The following LPL variants were observed in gnomAD, a reference collection of about 807,000 sequenced individuals.
LPL encodes the protein lipoprotein lipase.
LPL carries 43 observed loss-of-function variants against 52.2 expected under a neutral mutation model. The ratio of observed to expected loss-of-function variants is 0.82; its 90% confidence interval spans 0.64 to 1.06. The LOEUF (loss-of-function observed/expected upper bound fraction) is 1.06. LPL is among the 50% of genes least tolerant of loss of function. The pLI is 0.00. For missense variants in LPL, 639 were observed against 585.3 expected, an observed-to-expected ratio of 1.09 and a Z score of -0.95; for synonymous variants, 244 against 215.6, an observed-to-expected ratio of 1.13 and a Z score of -1.15.
In LPL at chr8:19,939,585, A is replaced by T; in HGVS notation, c.88+57A>T. 1.3e-6 allele frequency: 2 copies of T among 1,514,526 alleles called. No homozygotes were observed. The highest frequency in any genetic ancestry group is 1.8e-6 in the Non-Finnish European group (2 of 1,114,416). 93.8% of individuals were successfully genotyped at this position (1,514,526 alleles called of 1,614,324 possible). A position where few individuals can be genotyped will look rare whatever the true frequency, so the allele number is the denominator to read the frequency against. On this transcript the variant is annotated intron_variant, in intron 1 of 9. Coordinates refer to ENST00000650287, the MANE Select transcript of LPL (RefSeq NM_000237.3). The surrounding 1 kb of genome is among the most constrained non-coding windows in gnomAD (Gnocchi z 4.0). Reference sequence around the variant, plus strand: ...GCAGACCCGGCGGGTGGCCACTGCCACCCGAACTGAGGATGAGAAGAAGGA... The same window carrying T: ...GCAGACCCGGCGGGTGGCCACTGCCTCCCGAACTGAGGATGAGAAGAAGGA...
chr8:19,954,401 C>T (rs1252742478), intron 5 of LPL, 48 bp downstream of exon 5: 9 of 1,548,514 alleles, frequency 5.8e-6, no homozygotes, highest in Admixed American at 1.7e-5. Flanking sequence ...ATCCTTAACC[C>T]TTATTGACCC....
At position 19,955,824 on chromosome 8, in the gene LPL, G is replaced by A; in HGVS notation, c.776-17G>A. On this transcript the variant is annotated splice_polypyrimidine_tract_variant and intron_variant, in intron 5 of 9. Transcript: ENST00000650287. ...ATTTCTGCCGAGATACAATCTTGGT[G>A]TCTCTTTTTTACCCAGATGTGGACC... is the stretch of plus-strand genomic sequence containing the variant. 6.2e-7 allele frequency: 1 copy of A among 1,614,074 alleles called. No homozygotes were observed. The highest frequency in any genetic ancestry group is 8.5e-7 in the Non-Finnish European group (1 of 1,179,998).
chr8:19,967,242 C>T lies in LPL; in HGVS notation c.*1932C>T, dbSNP rs948777076. The T allele has an allele frequency of 5.2e-5, 8 of 152,548 alleles. No homozygotes were observed. The highest frequency in any genetic ancestry group is 1.9e-4 in the African/African-American group (8 of 41,424). 9.4% of individuals were successfully genotyped at this position (152,548 alleles called of 1,614,324 possible). ...TGGAATCAGCTTTTAATAAAATTGA[C>T]AACATTTTATTACCACACTAAGTCA... On this transcript the variant is annotated 3_prime_UTR_variant, in exon 10 of 10. Transcript: ENST00000650287.
rs186841711 is a variant in LPL at position 19,957,207 on chromosome 8, G to T, written c.1018+1124G>T. On this transcript the variant is annotated intron_variant, in intron 6 of 9. Transcript: ENST00000650287. ...AAGCTTGGCCTCTTGTTTAGAGGCA[G>T]ACCTAAAGGAATGGTCGGAAAATGA... Among the ~76,000 whole-genome samples the T allele has an allele frequency of 6.8e-4, 103 of 152,308 alleles. 1 individual carries two copies. The highest frequency in any genetic ancestry group is 2.4e-3 in the African/African-American group (101 of 41,570).
In LPL at chr8:19,939,619, G is replaced by A; in HGVS notation, c.88+91G>A. 7.4e-7 allele frequency: 1 copy of A among 1,359,148 alleles called. No homozygotes were observed. Among genetic ancestry groups the A allele is most frequent in the Non-Finnish European group, 1.0e-6 (1 of 984,420 alleles). The allele number at this position is 1,359,148 out of a possible 1,614,324, so 84.2% of individuals were successfully genotyped here. On this transcript the variant is annotated intron_variant, in intron 1 of 9. Coordinates refer to ENST00000650287, the MANE Select transcript of LPL (RefSeq NM_000237.3). The surrounding 1 kb of genome is among the most constrained non-coding windows in gnomAD (Gnocchi z 4.0). ...GAGGATGAGAAGAAGGAAGTTGGAA[G>A]GGGCGGTGGATGCGCCCAGGGACTC...
Position 19,953,307 on chromosome 8 carries a change from AAGG to A in LPL, c.433_435del (p.Glu145del). On this transcript the variant is annotated splice_acceptor_variant and coding_sequence_variant, in exon 4 of 10. Coordinates refer to ENST00000650287, the MANE Select transcript of LPL (RefSeq NM_000237.3). LOFTEE classifies it high-confidence loss of function. ...GCACCTTCATTTTCTTTTTCTTCCA[AAGG>A]AGGAGTTTAACTACCCTCTGGACAA... 1 of 1,585,330 alleles carries A rather than the reference AAGG, an allele frequency of 6.3e-7. No homozygotes were observed. The highest frequency in any genetic ancestry group is 8.7e-7 in the Non-Finnish European group (1 of 1,153,764).
intron 5 of LPL, among the ~76,000 whole-genome samples, chr8:19,954,610 C>G (rs192083960): frequency 6.6e-6 from 1 of 152,106 alleles, no homozygotes; most frequent in Non-Finnish European, 1.5e-5. Flanking sequence ...GGATTTTAGA[C>G]AGGAAGACTC....
rs1363891577 is a variant in LPL, at chr8:19,956,047, A to G, written c.982A>G (p.Met328Val). Reference protein sequence around the residue: ...NKVRAKRSSKMYLKTRSQMPY... With the variant: ...NKVRAKRSSKVYLKTRSQMPY... ...AGTCAGAGCCAAAAGAAGCAGCAAAATGTACCTGAAGACTCGTTCTCAGAT... is the reference window on the plus strand; with the variant it reads ...AGTCAGAGCCAAAAGAAGCAGCAAAGTGTACCTGAAGACTCGTTCTCAGAT... Residue 328 changes from methionine to valine, a missense_variant, in exon 6 of 10, where the codon ATG (methionine) becomes GTG (valine). Met to Val is a conservative substitution (Grantham distance 21). Coordinates refer to ENST00000650287, the MANE Select transcript of LPL (RefSeq NM_000237.3). The G allele has an allele frequency of 6.2e-7, 1 of 1,614,082 alleles. No individual in the cohort carries two copies. The highest frequency in any genetic ancestry group is 8.5e-7 in the Non-Finnish European group (1 of 1,180,046).
At chr8:19,957,964 G>C (rs2070001778) in intron 6 of LPL, among the ~76,000 whole-genome samples, 1 of 150,964 alleles carries the variant, frequency 6.6e-6, no homozygotes, top group East Asian at 1.9e-4. Context: ...GTGGGATATA[G>C]AAGAAAAAAC....
chr8:19,942,660 T>A (rs1181725386), intron 1 of LPL, among the ~76,000 whole-genome samples: 1 of 152,204 alleles, frequency 6.6e-6, no homozygotes, highest in African/African-American at 2.4e-5. Flanking sequence ...AAGGCTCCAA[T>A]AGTTTCTGAA....
chr8:19,959,939 C>A (rs2070023280), intron 7 of LPL, among the ~76,000 whole-genome samples: 2 of 151,934 alleles, frequency 1.3e-5, no homozygotes, highest in South Asian at 4.2e-4. Context: ...CAGGTGCCCA[C>A]CACCATGCCC....
intron 6 of LPL, 140 bp downstream of exon 6, chr8:19,956,223 G>C: frequency 8.1e-7 from 1 of 1,227,048 alleles, no homozygotes; most frequent in East Asian, 2.4e-5. Context: ...TGTTTCTGTT[G>C]ATAGGGGGTT....
chr8:19,953,033 T>C (rs1388277381), intron 3 of LPL, among the ~76,000 whole-genome samples: 1 of 152,180 alleles, frequency 6.6e-6, no homozygotes, highest in Non-Finnish European at 1.5e-5. Context: ...AATAATACTA[T>C]TTCAGATGCA....
rs2069815881 is a variant in LPL, at chr8:19,939,882, C to T, written c.88+354C>T. ...GCGGAGGCGGGGAGTAAGGGCCCGG[C>T]TGGCGGTGACCTGCAGTCACCTCTC... On this transcript the variant is annotated intron_variant, in intron 1 of 9. Transcript: ENST00000650287. This position sits in a 1 kb window ranked among gnomAD's most constrained non-coding sequence, Gnocchi z 4.0. Among the ~76,000 whole-genome samples, 2 of 152,180 alleles carry T rather than the reference C, an allele frequency of 1.3e-5. No individual in the cohort carries two copies. Among genetic ancestry groups the T allele is most frequent in the South Asian group, 4.1e-4 (2 of 4,834 alleles).
At position 19,939,935 on chromosome 8, in the gene LPL, G is replaced by A. The variant is rs1213027020; in HGVS notation, c.88+407G>A. Among the ~76,000 whole-genome samples, 1 of 152,184 alleles carries A rather than the reference G, an allele frequency of 6.6e-6. No individual in the cohort carries two copies. Among genetic ancestry groups the A allele is most frequent in the African/African-American group, 2.4e-5 (1 of 41,468 alleles). Reference sequence around the variant, plus strand: ...CCGGAGGGGCCCTGGAATGAAAGGCGCGCGGGCCAAGGTGACCTCGCCTTG... The same window carrying A: ...CCGGAGGGGCCCTGGAATGAAAGGCACGCGGGCCAAGGTGACCTCGCCTTG... On this transcript the variant is annotated intron_variant, in intron 1 of 9. Coordinates refer to ENST00000650287, the MANE Select transcript of LPL (RefSeq NM_000237.3). The surrounding 1 kb of genome is among the most constrained non-coding windows in gnomAD (Gnocchi z 4.0).
At chr8:19,946,882 A>G (rs541017514) in intron 1 of LPL, among the ~76,000 whole-genome samples, 19 of 152,338 alleles carry the variant, frequency 1.2e-4, no homozygotes, top group East Asian at 5.8e-4. Flanking sequence ...ACTATTGTCC[A>G]TAGTTTCAAA....
chr8:19,952,311 C>G (rs75026342), intron 3 of LPL, among the ~76,000 whole-genome samples: 5 of 152,074 alleles, frequency 3.3e-5, no homozygotes, highest in Non-Finnish European at 7.4e-5. Context: ...ACATCTTATC[C>G]TCACCTTGAC....
At chr8:19,952,897 T>A (rs2069947647) in intron 3 of LPL, among the ~76,000 whole-genome samples, 1 of 152,186 alleles carries the variant, frequency 6.6e-6, no homozygotes, top group African/African-American at 2.4e-5. Flanking sequence ...CATACACACA[T>A]ATACATATAT....
intron 1 of LPL, among the ~76,000 whole-genome samples, chr8:19,945,562 CA>C (rs2069875823): frequency 6.6e-6 from 1 of 152,160 alleles, no homozygotes; most frequent in Non-Finnish European, 1.5e-5. Context: ...CTGGACCCAA[CA>C]GAGGGAAATT....
Sources: allele counts gnomAD v4.1 joint callset (sites outside exome capture counted in the v4.1 genomes callset), GRCh38; gene constraint gnomAD v4.1.1; non-coding constraint Gnocchi (gnomAD v3.1); transcripts MANE v1.5; gene names NCBI Gene and HGNC (gene_info 2026-07-23, HGNC 2026-07-21).